ZNF468: variants seen among roughly 807,000 people sequenced by gnomAD.
ZNF468 encodes zinc finger protein ZNF468.
A neutral mutation model predicts 7.2 loss-of-function variants in ZNF468; 8 were observed. The observed-to-expected ratio is 1.11, with a 90% CI of 0.65 to 2.01. The LOEUF is 2.01. Ranked by LOEUF, ZNF468 falls within the 30% of genes most tolerant of loss-of-function variation. The probability of loss-of-function intolerance (pLI) is 0.00; values close to 1 mark genes in which losing one functional copy is unlikely to be tolerated. For missense variants in ZNF468, 608 were observed against 626.5 expected (o/e 0.97, Z 0.31); for synonymous variants, 218 against 214.4 (o/e 1.02, Z -0.15).
Position 52,841,995 on chromosome 19 carries a change from T to C in ZNF468, c.299A>G (p.Gln100Arg). 2 of 1,613,942 alleles carry C rather than the reference T, an allele frequency of 1.2e-6. No individual in the cohort carries two copies. Among genetic ancestry groups the C allele is most frequent in the Non-Finnish European group, 8.5e-7 (1 of 1,179,920 alleles). Reference protein sequence around the residue: ...IEKDIHGFEFQWKEDETNGHA... With the variant: ...IEKDIHGFEFRWKEDETNGHA... ...GCCATTTGTTTCATCTTCTTTCCAC[T>C]GAAACTCGAAGCCATGAATGTCTTT... Residue 100 changes from glutamine to arginine, a missense_variant, in exon 4 of 4, where the codon CAG becomes CGG. Gln to Arg is a conservative substitution (Grantham distance 43, BLOSUM62 1). Coordinates refer to ENST00000595646, the MANE Select transcript of ZNF468 (RefSeq NM_001008801.2).
chr19:52,850,554 C>T (rs577123383), intron 2 of ZNF468, among the ~76,000 whole-genome samples: 86 of 152,238 alleles, frequency 5.6e-4, no homozygotes, highest in African/African-American at 1.9e-3. Context: ...AAACAACAGA[C>T]ACTGCAGTCT....
intron 1 of ZNF468, 76 bp from the exon 2 acceptor site, chr19:52,854,421 G>A (rs1275491258): frequency 2.1e-6 from 3 of 1,415,334 alleles, no homozygotes; most frequent in Admixed American, 2.0e-5. Flanking sequence ...ACAAACATAG[G>A]AGACCTCACC....
chr19:52,854,173 A>G, intron 2 of ZNF468, 85 bp downstream of exon 2: 1 of 1,608,818 alleles, frequency 6.2e-7, no homozygotes, highest in Non-Finnish European at 8.5e-7. Flanking sequence ...CAGGCAGGTC[A>G]TTCAGACCCA....
intron 3 of ZNF468, among the ~76,000 whole-genome samples, chr19:52,847,592 C>T (rs1483793485): frequency 6.6e-6 from 1 of 151,778 alleles, no homozygotes; most frequent in Non-Finnish European, 1.5e-5. Flanking sequence ...GCCGACCATT[C>T]CCATTCATTC....
intron 2 of ZNF468, chr19:52,849,735 C>CAAA (rs59094952): frequency 0.21 from 23,665 of 113,712 alleles, 2,722 homozygotes; most frequent in South Asian, 0.35. Flanking sequence ...AACTCCATCT[C>CAAA]AAAAAAAAAA....
rs2063286685 is a variant in ZNF468, at chr19:52,840,606, T to C, written c.*119A>G. On this transcript the variant is annotated 3_prime_UTR_variant, in exon 4 of 4. Transcript: ENST00000595646. ...GTCTATGGTGATGTGCAAAGGTTGC[T>C]TTTTGATTAAAAACCTTGCCACATT... 1.3e-6 allele frequency: 2 copies of C among 1,536,250 alleles called. No individual in the cohort carries two copies. Among genetic ancestry groups the C allele is most frequent in the South Asian group, 2.2e-5 (2 of 89,238 alleles).
At chr19:52,848,336 T>C (rs1038903490) in intron 3 of ZNF468, among the ~76,000 whole-genome samples, 2 of 152,142 alleles carry the variant, frequency 1.3e-5, no homozygotes, top group African/African-American at 2.4e-5. Context: ...GGAGCTTTCG[T>C]AGAGTCCCAG....
At chr19:52,848,954 C>A (rs1238641134) in intron 3 of ZNF468, 133 bp downstream of exon 3, 20 of 1,447,188 alleles carry the variant, frequency 1.4e-5, no homozygotes, top group Middle Eastern at 2.1e-4. Context: ...CCAGATGCTA[C>A]ATCATGAAGC....
rs1241533264 is a variant in ZNF468, at chr19:52,841,468, A to C, written c.826T>G (p.Cys276Gly). 1 of 1,613,944 alleles carries C rather than the reference A, an allele frequency of 6.2e-7. No homozygotes were observed. Among genetic ancestry groups the C allele is most frequent in the Admixed American group, 1.7e-5 (1 of 59,992 alleles). ...TGEKPYKCNECGKTFGHNSSL... is the reference protein window; with the variant it reads ...TGEKPYKCNEGGKTFGHNSSL... ...GAATTATGACCAAAGGTCTTGCCAC[A>C]CTCATTACACTTGTAAGGTTTCTCA... Residue 276 changes from cysteine to glycine, a missense_variant, in exon 4 of 4, where the codon TGT (cysteine) becomes GGT (glycine). Transcript: ENST00000595646.
At chr19:52,852,769 T>A (rs1038619396) in intron 2 of ZNF468, among the ~76,000 whole-genome samples, 2 of 152,122 alleles carry the variant, frequency 1.3e-5, no homozygotes, top group Non-Finnish European at 2.9e-5. Context: ...CAAACTCCAA[T>A]GACGTGAGTT....
chr19:52,853,291 G>C (rs890126452), intron 2 of ZNF468, among the ~76,000 whole-genome samples: 1 of 152,140 alleles, frequency 6.6e-6, no homozygotes, highest in East Asian at 1.9e-4. Context: ...AGGGAAAGGA[G>C]ATGTCTTATG....
chr19:52,847,248 A>G (rs957111154), intron 3 of ZNF468, among the ~76,000 whole-genome samples: 6 of 152,066 alleles, frequency 3.9e-5, no homozygotes, highest in African/African-American at 1.5e-4. Context: ...AGGGCTGTGC[A>G]GGGTGTGCCT....
chr19:52,854,773 C>T (rs112257321), intron 1 of ZNF468, among the ~76,000 whole-genome samples: 5,726 of 152,100 alleles, frequency 0.038, 168 homozygotes, highest in South Asian at 0.092. Context: ...GCCTGTAATA[C>T]TAGCACTCTG....
intron 3 of ZNF468, among the ~76,000 whole-genome samples, chr19:52,846,016 G>A (rs1196819988): frequency 1.3e-5 from 2 of 151,806 alleles, no homozygotes; most frequent in Non-Finnish European, 2.9e-5. Context: ...AAATACATAA[G>A]GTAATTAATT....
chr19:52,847,953 A>C (rs1028774059), intron 3 of ZNF468, among the ~76,000 whole-genome samples: 3 of 152,126 alleles, frequency 2.0e-5, no homozygotes, highest in African/African-American at 7.2e-5. Flanking sequence ...TTCTTTCTCT[A>C]AACTTTGTCT....
intron 3 of ZNF468, among the ~76,000 whole-genome samples, chr19:52,848,298 T>C (rs2063356679): frequency 6.6e-6 from 1 of 152,150 alleles, no homozygotes; most frequent in Non-Finnish European, 1.5e-5. Flanking sequence ...AGACTCCTGC[T>C]TATAAAAAGC....
In ZNF468 at chr19:52,841,538, A is replaced by G; in HGVS notation, c.756T>C (p.Phe252=). 6.2e-7 allele frequency: 1 copy of G among 1,614,166 alleles called. No individual in the cohort carries two copies. The highest frequency in any genetic ancestry group is 8.5e-7 in the Non-Finnish European group (1 of 1,180,024). Residue 252 remains phenylalanine (F), a synonymous_variant, in exon 4 of 4, where the codon TTT becomes TTC. Transcript: ENST00000595646. ...GGCAGGCAAGGTATCGCTTCTGATT[A>G]AAGACCTTGCCACATACATCACATT... The part of the protein sequence containing the change: ...QCKCDVCGKV[F]NQKRYLACHR...
At chr19:52,843,120 C>CAAAAAA (rs11356842) in intron 3 of ZNF468, among the ~76,000 whole-genome samples, 19 of 68,490 alleles carry the variant, frequency 2.8e-4, no homozygotes, top group Admixed American at 3.3e-4. Flanking sequence ...GACTCTGTCT[C>CAAAAAA]AAAAAAAAAA....
chr19:52,853,240 T>C (rs2063405487), intron 2 of ZNF468, among the ~76,000 whole-genome samples: 3 of 151,722 alleles, frequency 2.0e-5, no homozygotes, highest in Admixed American at 2.0e-4. Context: ...CTGACAGGAG[T>C]GGCTCCCCAG....
Sources: allele counts gnomAD v4.1 joint callset (sites outside exome capture counted in the v4.1 genomes callset), GRCh38; gene constraint gnomAD v4.1.1; transcripts MANE v1.5; gene names NCBI Gene and HGNC (gene_info 2026-07-23, HGNC 2026-07-21).